NPIPB11: variants seen among roughly 807,000 people sequenced by gnomAD.
NPIPB11 encodes nuclear pore complex-interacting protein family member B11.
A neutral mutation model predicts 32.8 loss-of-function variants in NPIPB11; 17 were observed. That is an observed-to-expected ratio of 0.52 (90% CI 0.35 to 0.78). The LOEUF (loss-of-function observed/expected upper bound fraction) is 0.78. Among genes scored for constraint, NPIPB11 ranks in the 30% least tolerant of loss-of-function variants. The probability of loss-of-function intolerance (pLI) is 0.01; values close to 1 mark genes in which losing one functional copy is unlikely to be tolerated. For missense variants in NPIPB11, 537 were observed against 1,000.4 expected (o/e 0.54, Z 6.25); for synonymous variants, 209 against 398.4 (o/e 0.52, Z 5.66).
chr16:29,383,213 T>C, exon 8 of NPIPB11: 1 of 1,560,374 alleles, frequency 6.4e-7, no homozygotes, highest in South Asian at 1.1e-5. Context: ...CTGCTGAGGG[T>C]GGAGCTGAGG....
chr16:29,383,185 G>T lies in NPIPB11; in HGVS notation c.1747C>A (p.Pro583Thr), dbSNP rs563021673. The T allele has an allele frequency of 1.4e-4, 216 of 1,591,972 alleles. 1 individual carries two copies. The African/African-American group carries it at 2.2e-3, about 16-fold the overall frequency. Residue 583 changes from proline (P) to threonine (T), a missense_variant, in exon 8 of 8, where the codon CCT (proline) becomes ACT (threonine). Coordinates refer to ENST00000524087, the Ensembl canonical transcript of NPIPB11. The stretch of plus-strand genomic sequence containing the variant: ...AAGCGGAACTGCAGATGCTCGGCAG[G>T]TGTCTTGATATTATCATCTGCTGAG...
rs200632947 is a variant in NPIPB11, at chr16:29,403,754, G to C, written c.49C>G (p.Gln17Glu). ...TGCAGCTCCTTGGTGAGCTGGCCCT[G>C]GTCATGGGACAGGAACTGTGGGGTC... Residue 17 changes from glutamine to glutamate, a missense_variant, in exon 2 of 8, where the codon CAG becomes GAG. By Grantham distance (29) the Gln-to-Glu change is conservative. Coordinates refer to ENST00000524087, the Ensembl canonical transcript of NPIPB11. 5,533 of 1,590,562 alleles carry C rather than the reference G, an allele frequency of 3.5e-3. 26 individuals are homozygous for C. Among genetic ancestry groups the C allele is most frequent in the Middle Eastern group, 4.3e-3 (21 of 4,828 alleles).
intron 2 of NPIPB11, among the ~76,000 whole-genome samples, chr16:29,394,493 G>C (rs1488398880): frequency 6.6e-6 from 1 of 150,772 alleles, no homozygotes; most frequent in Non-Finnish European, 1.5e-5. Context: ...GGAGTGAAGT[G>C]GTGCAATCTT....
At chr16:29,394,235 T>G (rs1323275721) in intron 2 of NPIPB11, among the ~76,000 whole-genome samples, 159 bp from the exon 3 acceptor site, 1 of 151,944 alleles carries the variant, frequency 6.6e-6, no homozygotes, top group African/African-American at 2.4e-5. Flanking sequence ...GAACAGAAGT[T>G]AGAAGTCACA....
chr16:29,391,234 T>C (rs1249702283), intron 3 of NPIPB11, among the ~76,000 whole-genome samples: 2 of 124,982 alleles, frequency 1.6e-5, no homozygotes, highest in East Asian at 4.5e-4. Context: ...ACCACTGCAC[T>C]CCAGCCTGGT....
intron 5 of NPIPB11, among the ~76,000 whole-genome samples, chr16:29,389,398 C>A (rs1177655184): frequency 2.1e-4 from 27 of 128,918 alleles, no homozygotes; most frequent in Non-Finnish European, 4.0e-4. Flanking sequence ...AAAAGGCTGG[C>A]TGTGGTGGCT....
exon 8 of NPIPB11, chr16:29,383,234 A>C (rs749017300): frequency 9.6e-6 from 15 of 1,560,454 alleles, no homozygotes; most frequent in Non-Finnish European, 1.3e-5. Context: ...GTGGAAGGGG[A>C]GTGAGCTGAC....
At chr16:29,394,504 G>A (rs1302312838) in intron 2 of NPIPB11, among the ~76,000 whole-genome samples, 7 of 149,490 alleles carry the variant, frequency 4.7e-5, no homozygotes, top group Admixed American at 2.0e-4. Context: ...GTGCAATCTT[G>A]GCTCACTACA....
At position 29,394,447 on chromosome 16, in the gene NPIPB11, T is replaced by G. The variant is rs1297064541; in HGVS notation, c.121-371A>C. ...AAAACCTCTTTTTTTTTTTTTTTTT[T>G]GAGACAGAGTTCCGCTCCACTCAGT... On this transcript the variant is annotated intron_variant, in intron 2 of 7. Transcript: ENST00000524087. 1.1e-4 allele frequency among the ~76,000 whole-genome samples: 14 copies of G among 131,566 alleles called. 1 individual carries two copies. Among genetic ancestry groups the G allele is most frequent in the Admixed American group, 8.2e-4 (11 of 13,488 alleles). The allele number at this position is 131,566 out of a possible 152,430, so 86.3% of individuals were successfully genotyped here. A position where few individuals can be genotyped will look rare whatever the true frequency, so the allele number is the denominator to read the frequency against.
rs1035714699 is a variant in NPIPB11 at position 29,390,472 on chromosome 16, G to A, written c.250-124C>T. On this transcript the variant is annotated intron_variant, in intron 3 of 7. Transcript: ENST00000524087. ...GAGCAAGACCAGCCTGGCCAAGATGGTGAAACCCCATCTCTACTAAAAATA... is the reference window on the plus strand; with the variant it reads ...GAGCAAGACCAGCCTGGCCAAGATGATGAAACCCCATCTCTACTAAAAATA... 14 of 1,466,984 alleles carry A rather than the reference G, an allele frequency of 9.5e-6. No homozygotes were observed. The African/African-American group carries it at 1.8e-4, about 19-fold the overall frequency. 90.9% of individuals were successfully genotyped at this position (1,466,984 alleles called of 1,614,324 possible). A position where few individuals can be genotyped will look rare whatever the true frequency, so the allele number is the denominator to read the frequency against.
intron 2 of NPIPB11, among the ~76,000 whole-genome samples, chr16:29,400,718 G>C (rs1963968209): frequency 6.6e-6 from 1 of 152,036 alleles, no homozygotes; most frequent in Admixed American, 6.6e-5. Flanking sequence ...TGAGTGGTAG[G>C]ACTCCTGGGT....
At chr16:29,401,567 C>G (rs549110599) in intron 2 of NPIPB11, among the ~76,000 whole-genome samples, 17 of 152,280 alleles carry the variant, frequency 1.1e-4, no homozygotes, top group Admixed American at 1.1e-3. Context: ...CTCTGCCCCT[C>G]CACAGTCTCC....
exon 8 of NPIPB11, chr16:29,382,389 A>T: frequency 2.2e-6 from 1 of 462,378 alleles, no homozygotes; most frequent in Non-Finnish European, 3.7e-6. Flanking sequence ...TGAGATTATC[A>T]TCGGCTGAGG....
intron 2 of NPIPB11, among the ~76,000 whole-genome samples, chr16:29,401,723 C>A (rs181056588): frequency 6.6e-6 from 1 of 152,236 alleles, no homozygotes; most frequent in Admixed American, 6.5e-5. Context: ...CACCTCGAGG[C>A]AAGAGTTGGG....
At chr16:29,391,923 G>T (rs1001349213) in intron 3 of NPIPB11, among the ~76,000 whole-genome samples, 1 of 151,940 alleles carries the variant, frequency 6.6e-6, no homozygotes, top group Non-Finnish European at 1.5e-5. Flanking sequence ...GTTTCACCAT[G>T]TTGGCCCATC....
chr16:29,394,176 G>A, intron 2 of NPIPB11, 100 bp from the exon 3 acceptor site: 9 of 1,288,848 alleles, frequency 7.0e-6, no homozygotes, highest in Non-Finnish European at 9.7e-6. Flanking sequence ...CCTCCAAAAG[G>A]TAACCACATC....
intron 3 of NPIPB11, among the ~76,000 whole-genome samples, chr16:29,392,219 T>C (rs1963739683): frequency 6.6e-6 from 1 of 152,112 alleles, no homozygotes; most frequent in Non-Finnish European, 1.5e-5. Flanking sequence ...CTAGGAGAAA[T>C]GTCAAACACA....
At chr16:29,403,076 A>T (rs1389442858) in intron 2 of NPIPB11, among the ~76,000 whole-genome samples, 1 of 148,398 alleles carries the variant, frequency 6.7e-6, no homozygotes, top group Non-Finnish European at 1.5e-5. Context: ...ATTTTGCAGG[A>T]TAATTTTTTT....
rs1339202135 is a variant in NPIPB11, at chr16:29,402,474, G to C, written c.120+1209C>G. Among the ~76,000 whole-genome samples, 89 of 103,814 alleles carry C rather than the reference G, an allele frequency of 8.6e-4. 1 individual carries two copies. The highest frequency in any genetic ancestry group is 2.3e-3 in the East Asian group (8 of 3,484). 68.1% of individuals were successfully genotyped at this position (103,814 alleles called of 152,430 possible). A position where few individuals can be genotyped will look rare whatever the true frequency, so the allele number is the denominator to read the frequency against. On this transcript the variant is annotated intron_variant, in intron 2 of 7. Transcript: ENST00000524087. Reference sequence around the variant, plus strand: ...AGTCCCAGCACTTTGGGAGGCCACGGTGGGCAGATTACGAGGTCAGGAGTT... The same window carrying C: ...AGTCCCAGCACTTTGGGAGGCCACGCTGGGCAGATTACGAGGTCAGGAGTT...
Sources: gnomAD v4.1 joint callset for allele counts (sites outside exome capture counted in the v4.1 genomes callset) on GRCh38, gnomAD v4.1.1 for gene constraint, MANE v1.5 for transcripts, NCBI Gene and HGNC (gene_info 2026-07-23, HGNC 2026-07-21) for gene names.